Variants in SEC22C observed in about 807,000 individuals in gnomAD.
SEC22C encodes the protein SEC22 homolog C, vesicle trafficking protein, also known as vesicle-trafficking protein SEC22c.
Under a neutral mutation model 34.7 loss-of-function variants are expected in SEC22C, and 29 were observed. The observed-to-expected ratio is 0.84, with a 90% CI of 0.62 to 1.14. The LOEUF is 1.14. SEC22C is among the 50% of genes most tolerant of loss of function. SEC22C has a pLI of 0.00. For synonymous variants in SEC22C, 117 were observed against 132.8 expected (o/e 0.88, Z 0.82); for missense variants, 337 against 369.0 (o/e 0.91, Z 0.71).
chr3:42,570,443 G>T (rs1292039298), intron 1 of SEC22C, among the ~76,000 whole-genome samples: 1 of 152,188 alleles, frequency 6.6e-6, no homozygotes, highest in East Asian at 1.9e-4. Context: ...ATGGATGAAT[G>T]AATGAATAAT....
intron 1 of SEC22C, among the ~76,000 whole-genome samples, chr3:42,596,901 C>A (rs1705047524): frequency 6.6e-6 from 1 of 152,118 alleles, no homozygotes. Flanking sequence ...TTAAGTATAT[C>A]CCAAATTAAA....
chr3:42,600,956 T>A, intron 1 of SEC22C: 3 of 1,358,806 alleles, frequency 2.2e-6, no homozygotes, highest in Non-Finnish European at 3.0e-6. Flanking sequence ...GCCCCTGCCC[T>A]GACCGCTTTT....
At chr3:42,595,458 G>C (rs1705000239) in intron 1 of SEC22C, among the ~76,000 whole-genome samples, 1 of 152,104 alleles carries the variant, frequency 6.6e-6, no homozygotes, top group South Asian at 2.1e-4. Flanking sequence ...AATATTTTTA[G>C]CAGGAATATA....
intron 1 of SEC22C, among the ~76,000 whole-genome samples, chr3:42,599,813 G>A (rs1705205837): frequency 6.6e-6 from 1 of 152,044 alleles, no homozygotes; most frequent in African/African-American, 2.4e-5. Context: ...TCATATCATA[G>A]ACTTACACGT....
chr3:42,592,515 A>G (rs998033225), intron 1 of SEC22C, among the ~76,000 whole-genome samples: 6 of 152,164 alleles, frequency 3.9e-5, no homozygotes, highest in African/African-American at 1.4e-4. Flanking sequence ...CCCATTTCTT[A>G]TAGAAAAATA....
rs1220789288 is a variant in SEC22C at position 42,599,172 on chromosome 3, A to G, written c.-28+1788T>C. Among the ~76,000 whole-genome samples, 191 of 150,552 alleles carry G rather than the reference A, an allele frequency of 1.3e-3. 1 individual carries two copies. The highest frequency in any genetic ancestry group is 4.5e-3 in the African/African-American group (184 of 40,774). On this transcript the variant is annotated intron_variant, in intron 1 of 6. Coordinates refer to the SEC22C transcript ENST00000417572. ...AGTAGAGAAAGGGTTTCACCGTGTT[A>G]GCCAGGATGGTCTCGATCTCCTGAC...
upstream of SEC22C, among the ~76,000 whole-genome samples, chr3:42,586,756 C>G (rs183640701): frequency 1.8e-3 from 280 of 152,312 alleles, no homozygotes; most frequent in Middle Eastern, 6.8e-3. Context: ...TCAGTTTCTA[C>G]AAGTGATGTT....
chr3:42,548,431 G>C lies in SEC22C; in HGVS notation c.*4817C>G, dbSNP rs750260174. 2 of 650,042 alleles carry C rather than the reference G, an allele frequency of 3.1e-6. No homozygotes were observed. Among genetic ancestry groups the C allele is most frequent in the East Asian group, 5.5e-5 (2 of 36,486 alleles). 40.3% of individuals were successfully genotyped at this position (650,042 alleles called of 1,614,324 possible). ...TACCCTAAATAAAAGGCGCTTGTGG[G>C]CAACAGCTCTGCCATCAATACACAT... On this transcript the variant is annotated 3_prime_UTR_variant, in exon 7 of 7. Transcript: ENST00000264454.
At chr3:42,593,664 G>A (rs1389791657) in intron 1 of SEC22C, among the ~76,000 whole-genome samples, 2 of 152,096 alleles carry the variant, frequency 1.3e-5, no homozygotes, top group African/African-American at 2.4e-5. Context: ...CACTCACAGA[G>A]CTGACATTCT....
At chr3:42,598,044 T>C (rs1705080890) in intron 1 of SEC22C, among the ~76,000 whole-genome samples, 1 of 152,194 alleles carries the variant, frequency 6.6e-6, no homozygotes, top group African/African-American at 2.4e-5. Flanking sequence ...TAAATGGAAT[T>C]AGCTTATGAT....
At chr3:42,597,428 TG>T (rs1396216862) in intron 1 of SEC22C, among the ~76,000 whole-genome samples, 1 of 152,104 alleles carries the variant, frequency 6.6e-6, no homozygotes, top group Non-Finnish European at 1.5e-5. Context: ...TGGTGGCGTG[TG>T]CCTGTAGTCT....
Position 42,550,706 on chromosome 3 carries a change from A to G in SEC22C, c.*2542T>C. On this transcript the variant is annotated 3_prime_UTR_variant, in exon 7 of 7. Coordinates refer to ENST00000264454, the MANE Select transcript of SEC22C (RefSeq NM_032970.4). ...TCTGGTAGTGCCTCGGTGGTCAGGA[A>G]GCATTACCAGGAAGGACTCATCTTC... 1 of 984,946 alleles carries G rather than the reference A, an allele frequency of 1.0e-6. No homozygotes were observed. Among genetic ancestry groups the G allele is most frequent in the African/African-American group, 1.7e-5 (1 of 57,172 alleles). The allele number at this position is 984,946 out of a possible 1,614,324, so 61.0% of individuals were successfully genotyped here.
Position 42,563,535 on chromosome 3 carries a change from A to G in SEC22C, c.334T>C (p.Phe112Leu). 1 of 1,609,542 alleles carries G rather than the reference A, an allele frequency of 6.2e-7. No individual in the cohort carries two copies. The highest frequency in any genetic ancestry group is 8.5e-7 in the Non-Finnish European group (1 of 1,178,744). The stretch of plus-strand genomic sequence containing the variant: ...GAGGGTTACAAACCAAACTCAAGAA[A>G]AGCGTATGGCCTGGAGGCTAGGCCA... ...CIGLASRPYA[F>L]LEFDSIIQKV... Residue 112 changes from phenylalanine to leucine, a missense_variant, in exon 3 of 7, where the codon TTT (phenylalanine) becomes CTT (leucine). By Grantham distance (22) the Phe-to-Leu change is conservative (BLOSUM62 0). Transcript: ENST00000264454.
At position 42,553,422 on chromosome 3, in the gene SEC22C, T is replaced by C. The variant is rs1166460891; in HGVS notation, c.738A>G (p.Pro246=). Residue 246 remains proline (P), a synonymous_variant, in exon 7 of 7, where the codon CCA becomes CCG. Coordinates refer to ENST00000264454, the MANE Select transcript of SEC22C (RefSeq NM_032970.4). The part of the protein sequence containing the change: ...FQCYLYLFYS[P]ARTMKVVLML... ...TAAGCACCACCTTCATAGTCCTGGC[T>C]GGACTGTAGAACAGGTACAAATAAC... is the stretch of plus-strand genomic sequence containing the variant. 1.2e-6 allele frequency: 2 copies of C among 1,614,076 alleles called. No homozygotes were observed. Among genetic ancestry groups the C allele is most frequent in the Non-Finnish European group, 1.7e-6 (2 of 1,179,980 alleles).
intron 1 of SEC22C, among the ~76,000 whole-genome samples, chr3:42,570,593 T>C (rs1380781654): frequency 1.3e-5 from 2 of 152,046 alleles, no homozygotes; most frequent in African/African-American, 4.8e-5. Context: ...GGAGTAAAAA[T>C]GTGAAAAGCC....
chr3:42,566,728 G>A, intron 2 of SEC22C: 2 of 267,226 alleles, frequency 7.5e-6, no homozygotes, highest in Middle Eastern at 6.3e-4. Context: ...AGGGTGCAAG[G>A]CAAGGTGGCT....
intron 1 of SEC22C, among the ~76,000 whole-genome samples, chr3:42,580,659 T>C (rs530844029): frequency 6.6e-6 from 1 of 152,328 alleles, no homozygotes; most frequent in East Asian, 1.9e-4. Context: ...ACCGGATAGG[T>C]GGGAAAACTG....
intron 6 of SEC22C, 95 bp from the exon 7 acceptor site, chr3:42,553,543 C>A: frequency 6.7e-7 from 1 of 1,490,288 alleles, no homozygotes; most frequent in South Asian, 1.3e-5. Flanking sequence ...TGAAGAGTGT[C>A]ATTTCTCTCA....
At chr3:42,601,025 C>T in exon 1 of SEC22C, 1 of 1,581,150 alleles carries the variant, frequency 6.3e-7, no homozygotes, top group Non-Finnish European at 8.6e-7. Context: ...GCAGGACCGG[C>T]CGCAGTGCCA....
Sources: allele counts gnomAD v4.1 joint callset (sites outside exome capture counted in the v4.1 genomes callset), GRCh38; gene constraint gnomAD v4.1.1; transcripts MANE v1.5; gene names NCBI Gene and HGNC (gene_info 2026-07-23, HGNC 2026-07-21).